The following STARD13 variants were observed in gnomAD, a reference collection of about 807,000 sequenced individuals.
STARD13 encodes stAR-related lipid transfer protein 13.
Under a neutral mutation model 106.4 loss-of-function variants are expected in STARD13, and 62 were observed. The observed-to-expected ratio is 0.58, with a 90% CI of 0.48 to 0.72. The LOEUF is 0.72. Among genes scored for constraint, STARD13 ranks in the 30% least tolerant of loss-of-function variants. The probability of loss-of-function intolerance (pLI) is 0.00; values close to 1 mark genes in which losing one functional copy is unlikely to be tolerated. For missense variants in STARD13, 1,387 were observed against 1,424.0 expected, an observed-to-expected ratio of 0.97 and a Z score of 0.42; for synonymous variants, 565 against 553.0, an observed-to-expected ratio of 1.02 and a Z score of -0.31.
At chr13:33,512,386 T>C in the STARD13 span, among the ~76,000 whole-genome samples, 1 of 152,160 alleles carries the variant, frequency 6.6e-6, no homozygotes, top group Non-Finnish European at 1.5e-5. Context: ...ACTAAAAGCT[T>C]TCAAGATTAA....
chr13:33,519,272 CTTTT>C, the STARD13 span, among the ~76,000 whole-genome samples: 8 of 123,254 alleles, frequency 6.5e-5, no homozygotes, highest in Admixed American at 5.1e-4. Context: ...TTCTTTCTTT[CTTTT>C]CTTTCTCTTT....
the STARD13 span, among the ~76,000 whole-genome samples, chr13:33,449,426 T>C: frequency 7.2e-5 from 11 of 152,178 alleles, no homozygotes; most frequent in Admixed American, 7.2e-4. Flanking sequence ...TCCATGGATT[T>C]ATTTCTGGAT....
At chr13:33,242,059 G>A (rs1033946257) in intron 1 of STARD13, among the ~76,000 whole-genome samples, 4 of 150,876 alleles carry the variant, frequency 2.7e-5, no homozygotes, top group South Asian at 2.1e-4. Flanking sequence ...TGTAGGGAGC[G>A]CCTCTGCCTG....
downstream of STARD13, among the ~76,000 whole-genome samples, chr13:33,343,865 C>G (rs9597263): frequency 6.6e-6 from 1 of 151,910 alleles, no homozygotes; most frequent in Non-Finnish European, 1.5e-5. Flanking sequence ...CTAACTTTAT[C>G]TTATAACCTG....
intron 3 of STARD13, among the ~76,000 whole-genome samples, chr13:33,156,723 C>G (rs1229853943): frequency 6.6e-6 from 1 of 152,144 alleles, no homozygotes; most frequent in South Asian, 2.1e-4. Context: ...AGGAGCCTAT[C>G]TTACAGTGTT....
the STARD13 span, among the ~76,000 whole-genome samples, chr13:33,368,845 T>G: frequency 6.3e-3 from 963 of 152,194 alleles, 8 homozygotes; most frequent in African/African-American, 0.022. Flanking sequence ...GGCAGGAGTT[T>G]CCGGCCTCCA....
At chr13:33,424,333 A>T in the STARD13 span, among the ~76,000 whole-genome samples, 1 of 152,148 alleles carries the variant, frequency 6.6e-6, no homozygotes, top group Admixed American at 6.6e-5. Context: ...CAGAGGTGGA[A>T]TTTGGGCTGG....
chr13:33,380,776 C>T, the STARD13 span, among the ~76,000 whole-genome samples: 1 of 151,870 alleles, frequency 6.6e-6, no homozygotes, highest in East Asian at 1.9e-4. Context: ...AGGTGTAGAG[C>T]AGGCTAGGCC....
At chr13:33,120,282 C>A (rs548186386) in intron 7 of STARD13, among the ~76,000 whole-genome samples, 1 of 152,332 alleles carries the variant, frequency 6.6e-6, no homozygotes. Context: ...CCGTGTCTTG[C>A]GGGCTGTTTC....
Position 33,291,856 on chromosome 13 carries a change from T to C in STARD13, c.124+58434A>G, listed in dbSNP as rs373197950. Among the ~76,000 whole-genome samples the C allele has an allele frequency of 2.6e-4, 39 of 152,342 alleles. 1 individual carries two copies. In the South Asian group the frequency reaches 8.1e-3, roughly 32 times the overall value. On this transcript the variant is annotated intron_variant, in intron 1 of 5. Transcript: ENST00000567873. ...CATAAATAGCTGGATGCTATCTTTG[T>C]TATTTTCATAAAATCTGCTGTTATG... is the stretch of plus-strand genomic sequence containing the variant.
chr13:33,586,320 G>T, the STARD13 span, among the ~76,000 whole-genome samples: 1 of 152,124 alleles, frequency 6.6e-6, no homozygotes, highest in East Asian at 1.9e-4. Flanking sequence ...ATTATCCCAG[G>T]GTTATCGCCC....
intron 4 of STARD13, among the ~76,000 whole-genome samples, chr13:33,133,844 C>T (rs889557460): frequency 3.9e-5 from 6 of 152,110 alleles, no homozygotes; most frequent in African/African-American, 1.4e-4. Context: ...GGTTTTTTTA[C>T]GCACTTGGGA....
At chr13:33,606,803 C>T in the STARD13 span, among the ~76,000 whole-genome samples, 1 of 152,232 alleles carries the variant, frequency 6.6e-6, no homozygotes, top group African/African-American at 2.4e-5. Flanking sequence ...CAGAGCTGCG[C>T]TCCTTTCTGG....
At chr13:33,582,813 T>C in the STARD13 span, among the ~76,000 whole-genome samples, 1 of 152,202 alleles carries the variant, frequency 6.6e-6, no homozygotes, top group Admixed American at 6.5e-5. Flanking sequence ...CTATGGGAAA[T>C]ATTTTTATTT....
At chr13:33,152,978 G>T (rs1289003293) in intron 3 of STARD13, among the ~76,000 whole-genome samples, 1 of 152,112 alleles carries the variant, frequency 6.6e-6, no homozygotes, top group Non-Finnish European at 1.5e-5. Context: ...TTTTTGGATT[G>T]AGCAGTTCAT....
intron 1 of STARD13, among the ~76,000 whole-genome samples, chr13:33,235,035 A>C (rs1889117856): frequency 6.6e-6 from 1 of 152,218 alleles, no homozygotes; most frequent in Non-Finnish European, 1.5e-5. Context: ...TGGTCTCTTG[A>C]AGCCATTAGT....
At chr13:33,587,386 G>A in the STARD13 span, among the ~76,000 whole-genome samples, 1 of 152,060 alleles carries the variant, frequency 6.6e-6, no homozygotes, top group South Asian at 2.1e-4. Flanking sequence ...CTACTCCTAA[G>A]ATCAGTTCTG....
the STARD13 span, among the ~76,000 whole-genome samples, chr13:33,360,491 A>G: frequency 6.6e-6 from 1 of 151,932 alleles, no homozygotes; most frequent in Non-Finnish European, 1.5e-5. Flanking sequence ...GGCGTGAGCC[A>G]CTGCTCCTGG....
At chr13:33,588,553 T>G in the STARD13 span, among the ~76,000 whole-genome samples, 1 of 152,172 alleles carries the variant, frequency 6.6e-6, no homozygotes, top group African/African-American at 2.4e-5. Context: ...GTTTTCTCCT[T>G]CAGGATAATT....
Sources: allele counts gnomAD v4.1 joint callset (sites outside exome capture counted in the v4.1 genomes callset), GRCh38; gene constraint gnomAD v4.1.1; transcripts MANE v1.5; gene names NCBI Gene and HGNC (gene_info 2026-07-23, HGNC 2026-07-21).